The following STXBP5L variants were observed in gnomAD, a reference collection of about 807,000 sequenced individuals.
STXBP5L encodes the protein syntaxin-binding protein 5-like.
Under a neutral mutation model 144.5 loss-of-function variants are expected in STXBP5L, and 65 were observed. The observed-to-expected ratio is 0.45, with a 90% confidence interval of 0.37 to 0.55. The LOEUF (loss-of-function observed/expected upper bound fraction) is 0.55, where lower values mean the gene tolerates loss of function less well. Ranked by LOEUF, STXBP5L falls within the 20% of genes least tolerant of loss-of-function variation. The pLI is 0.00. For synonymous variants in STXBP5L, 505 were observed against 469.6 expected (o/e 1.08, Z -0.97); for missense variants, 1,298 against 1,405.5 (o/e 0.92, Z 1.22).
rs1029019289 is a variant in STXBP5L, at chr3:121,275,850, T to A, written c.1959-3955T>A. On this transcript the variant is annotated intron_variant, in intron 18 of 26. Coordinates refer to ENST00000471454, the MANE Select transcript of STXBP5L (RefSeq NM_001308330.2). Reference sequence around the variant, plus strand: ...TTAGTATAGTCGTTTCAGCATTTTTTAAATTAGTGTTTTCATTGTAAATGT... The same window carrying A: ...TTAGTATAGTCGTTTCAGCATTTTTAAAATTAGTGTTTTCATTGTAAATGT... Among the ~76,000 whole-genome samples, 6 of 152,158 alleles carry A rather than the reference T, an allele frequency of 3.9e-5. 1 individual carries two copies. Among genetic ancestry groups the A allele is most frequent in the Admixed American group, 2.6e-4 (4 of 15,280 alleles).
intron 22 of STXBP5L, among the ~76,000 whole-genome samples, chr3:121,406,854 C>CT (rs2047004017): frequency 4.0e-5 from 6 of 151,816 alleles, no homozygotes; most frequent in South Asian, 4.2e-4. Flanking sequence ...TTAAAATTTT[C>CT]TTTTTTATAA....
Position 121,002,830 on chromosome 3 carries a change from T to A in STXBP5L, c.288-38870T>A, listed in dbSNP as rs1013353886. Among the ~76,000 whole-genome samples the A allele has an allele frequency of 2.8e-4, 42 of 152,058 alleles. 1 individual carries two copies. The highest frequency in any genetic ancestry group is 4.2e-4 in the South Asian group (2 of 4,804). On this transcript the variant is annotated intron_variant, in intron 3 of 26. Coordinates refer to ENST00000471454, the MANE Select transcript of STXBP5L (RefSeq NM_001308330.2). ...GTTTGGTTTTTTGTCCTTGCGATAG[T>A]TTGCTGAGAATGATGGTTTCCAGCT... is the stretch of plus-strand genomic sequence containing the variant.
chr3:121,407,586 A>T lies in STXBP5L; in HGVS notation c.2931A>T (p.Gly977=). 1 of 1,613,120 alleles carries T rather than the reference A, an allele frequency of 6.2e-7. No homozygotes were observed. Among genetic ancestry groups the T allele is most frequent in the Non-Finnish European group, 8.5e-7 (1 of 1,179,464 alleles). Reference sequence around the variant, plus strand: ...GCTTGGCATGCTTTTGTGCTAACGGACATATCATGATAATGAGGTACTTGC... The same window carrying T: ...GCTTGGCATGCTTTTGTGCTAACGGTCATATCATGATAATGAGGTACTTGC... The part of the protein sequence containing the change: ...SACLACFCAN[G]HIMIMSLPSL... The change falls in exon 23 of 27, where the codon GGA becomes GGT. Residue 977 remains glycine (G), a synonymous_variant. Coordinates refer to ENST00000471454, the MANE Select transcript of STXBP5L (RefSeq NM_001308330.2).
At chr3:121,034,015 T>G in intron 3 of STXBP5L, among the ~76,000 whole-genome samples, 1 of 152,236 alleles carries the variant, frequency 6.6e-6, no homozygotes, top group Non-Finnish European at 1.5e-5. Context: ...ACTACTAAAA[T>G]AGCACTAGGA....
intron 5 of STXBP5L, chr3:121,099,100 C>T (rs891585475): frequency 2.6e-5 from 4 of 152,200 alleles, no homozygotes; most frequent in African/African-American, 9.7e-5. Flanking sequence ...CACCATCAGC[C>T]TCACAGCATG....
Position 121,209,790 on chromosome 3 carries a change from C to T in STXBP5L, c.956+3789C>T, listed in dbSNP as rs565950695. 2.6e-3 allele frequency among the ~76,000 whole-genome samples: 399 copies of T among 152,310 alleles called. 4 individuals carry two copies. Among genetic ancestry groups the T allele is most frequent in the African/African-American group, 9.0e-3 (373 of 41,568 alleles). The stretch of plus-strand genomic sequence containing the variant: ...TCCTTTTTCATGGCTGCATAGTATT[C>T]CATGGTGTATATGTGCCACATTTTC... On this transcript the variant is annotated intron_variant, in intron 10 of 26. Coordinates refer to ENST00000471454, the MANE Select transcript of STXBP5L (RefSeq NM_001308330.2).
At chr3:120,988,543 A>C (rs1260710913) in intron 3 of STXBP5L, among the ~76,000 whole-genome samples, 1 of 152,054 alleles carries the variant, frequency 6.6e-6, no homozygotes, top group African/African-American at 2.4e-5. Flanking sequence ...TGTCTTGGGA[A>C]TACTCTGTGA....
intron 2 of STXBP5L, among the ~76,000 whole-genome samples, chr3:120,935,320 G>T (rs1391770672): frequency 6.7e-6 from 1 of 149,476 alleles, no homozygotes. Flanking sequence ...TTATAACTGC[G>T]TTCATTCATT....
chr3:121,137,431 A>G (rs1440848330), intron 7 of STXBP5L, among the ~76,000 whole-genome samples: 1 of 152,158 alleles, frequency 6.6e-6, no homozygotes, highest in African/African-American at 2.4e-5. Flanking sequence ...TGGAAAGCCT[A>G]GAAGAAATAG....
Position 121,209,173 on chromosome 3 carries a change from G to C in STXBP5L, c.956+3172G>C, listed in dbSNP as rs150329272. Among the ~76,000 whole-genome samples the C allele has an allele frequency of 4.7e-3, 713 of 152,218 alleles. 7 individuals carry two copies. Among genetic ancestry groups the C allele is most frequent in the African/African-American group, 0.016 (669 of 41,536 alleles). On this transcript the variant is annotated intron_variant, in intron 10 of 26. Coordinates refer to ENST00000471454, the MANE Select transcript of STXBP5L (RefSeq NM_001308330.2). ...CATTTTCGTTATCCAATCTATCATT[G>C]ATGGGCATTTGGGTTGGTTCCAAGT...
chr3:121,157,449 A>G lies in STXBP5L; in HGVS notation c.754-55A>G. 6.7e-6 allele frequency: 10 copies of G among 1,501,114 alleles called. No individual in the cohort carries two copies. The South Asian group carries it at 1.3e-4, about 20-fold the overall frequency. The allele number at this position is 1,501,114 out of a possible 1,614,324, so 93.0% of individuals were successfully genotyped here. ...TAGTTTTTCTTTGGAATATAGAATG[A>G]TATAACCTATCTACTTTTTTCCCCC... is the stretch of plus-strand genomic sequence containing the variant. On this transcript the variant is annotated intron_variant, in intron 8 of 26. Transcript: ENST00000471454.
chr3:121,163,104 A>C (rs1326711843), intron 9 of STXBP5L, among the ~76,000 whole-genome samples: 1 of 152,218 alleles, frequency 6.6e-6, no homozygotes, highest in Non-Finnish European at 1.5e-5. Flanking sequence ...TCATTCTACT[A>C]TAAAGACACA....
At chr3:121,346,092 T>C (rs1397596918) in intron 20 of STXBP5L, among the ~76,000 whole-genome samples, 5 of 151,666 alleles carry the variant, frequency 3.3e-5, no homozygotes, top group Non-Finnish European at 5.9e-5. Flanking sequence ...CTCCTAATGC[T>C]ATCCCTCTCC....
intron 5 of STXBP5L, among the ~76,000 whole-genome samples, chr3:121,111,096 A>G (rs13434156): frequency 0.21 from 32,481 of 152,032 alleles, 3,696 homozygotes; most frequent in Non-Finnish European, 0.26. Context: ...CAGGTCATTT[A>G]TGTTCCTCTC....
intron 18 of STXBP5L, among the ~76,000 whole-genome samples, chr3:121,264,576 C>A (rs2050492322): frequency 6.6e-6 from 1 of 152,000 alleles, no homozygotes; most frequent in African/African-American, 2.4e-5. Context: ...AACTAACAGG[C>A]AAAATAACCA....
chr3:121,055,857 A>T (rs993266590), intron 5 of STXBP5L, among the ~76,000 whole-genome samples: 5 of 137,496 alleles, frequency 3.6e-5, no homozygotes, highest in Non-Finnish European at 6.3e-5. Flanking sequence ...ACTAATGTTA[A>T]TTTTTTTTTT....
chr3:121,079,287 A>G (rs1021190120), intron 5 of STXBP5L, among the ~76,000 whole-genome samples: 1 of 152,260 alleles, frequency 6.6e-6, no homozygotes, highest in African/African-American at 2.4e-5. Context: ...AAACAAAGGC[A>G]GCATTACAAC....
chr3:121,309,180 T>C (rs899712556), intron 19 of STXBP5L, among the ~76,000 whole-genome samples: 1 of 152,054 alleles, frequency 6.6e-6, no homozygotes. Context: ...GTTAAGTGAT[T>C]AAACAATCCA....
chr3:121,303,963 G>T (rs1243511040), intron 19 of STXBP5L, among the ~76,000 whole-genome samples: 2 of 151,600 alleles, frequency 1.3e-5, no homozygotes, highest in East Asian at 1.9e-4. Context: ...CACAAACATG[G>T]CACATGTATA....
Sources: allele counts gnomAD v4.1 joint callset (sites outside exome capture counted in the v4.1 genomes callset), GRCh38; gene constraint gnomAD v4.1.1; transcripts MANE v1.5; gene names NCBI Gene and HGNC (gene_info 2026-07-23, HGNC 2026-07-21).